DMXL1: variants seen among roughly 807,000 people sequenced by gnomAD.
The protein encoded by DMXL1 is dmX-like protein 1.
A neutral mutation model predicts 319.2 loss-of-function variants in DMXL1; 99 were observed. The ratio of observed to expected loss-of-function variants is 0.31; its 90% confidence interval spans 0.26 to 0.37. The LOEUF (loss-of-function observed/expected upper bound fraction) is 0.37, where lower values mean the gene tolerates loss of function less well. DMXL1 is among the 10% of genes least tolerant of loss of function. The probability of loss-of-function intolerance (pLI) is 1.00; values close to 1 mark genes in which losing one functional copy is unlikely to be tolerated. For synonymous variants in DMXL1, 1,385 were observed against 1,235.2 expected (o/e 1.12, Z -2.54); for missense variants, 3,745 against 3,595.6 (o/e 1.04, Z -1.06).
chr5:119,157,788 CTTTGA>C (rs1771430265), intron 19 of DMXL1, among the ~76,000 whole-genome samples: 1 of 151,992 alleles, frequency 6.6e-6, no homozygotes, highest in Non-Finnish European at 1.5e-5. Context: ...CTCAAGTTTA[CTTTGA>C]GTATTTGGTG....
At chr5:119,148,577 T>C (rs1179084777) in intron 17 of DMXL1, among the ~76,000 whole-genome samples, 162 bp from the exon 18 acceptor site, 3 of 152,180 alleles carry the variant, frequency 2.0e-5, no homozygotes, top group African/African-American at 7.2e-5. Context: ...TAAATAAATA[T>C]AGGCTGTCTA....
At chr5:119,220,688 A>G (rs569770953) in intron 36 of DMXL1, 95 bp downstream of exon 36, 34 of 1,454,184 alleles carry the variant, frequency 2.3e-5, no homozygotes, top group Non-Finnish European at 3.0e-5. Context: ...AAAGCAATGT[A>G]TAGATTGTAA....
chr5:119,207,880 T>C (rs1425496665), intron 34 of DMXL1, among the ~76,000 whole-genome samples: 1 of 152,152 alleles, frequency 6.6e-6, no homozygotes, highest in African/African-American at 2.4e-5. Context: ...ATTCTATATT[T>C]AAAACAATCT....
Position 119,248,014 on chromosome 5 carries a change from T to C in DMXL1, c.*795T>C, listed in dbSNP as rs920851662. The stretch of plus-strand genomic sequence containing the variant: ...ATAAGTTTCAAGGAGACTATCAGGA[T>C]TATTATTTTAAAGATTAGATTTAGT... On this transcript the variant is annotated 3_prime_UTR_variant, in exon 44 of 44. Coordinates refer to ENST00000539542, the MANE Select transcript of DMXL1 (RefSeq NM_001290321.3). The C allele has an allele frequency of 2.0e-5, 3 of 152,180 alleles. No individual in the cohort carries two copies. The highest frequency in any genetic ancestry group is 7.2e-5 in the African/African-American group (3 of 41,458). 9.4% of individuals were successfully genotyped at this position (152,180 alleles called of 1,614,324 possible).
chr5:119,133,179 G>A lies in DMXL1; in HGVS notation c.1363G>A (p.Glu455Lys), dbSNP rs779783451. ...TCTGAAAATAAATCCCGAAAAGAAG[G>A]AATTAGGCTGTGATAAAATGGTACC... is the stretch of plus-strand genomic sequence containing the variant. The part of the protein sequence containing the change: ...DDLKINPEKK[E>K]LGCDKMVPNS... Residue 455 changes from glutamate (E) to lysine (K), a missense_variant, in exon 11 of 44, where the codon GAA (glutamate) becomes AAA (lysine). By Grantham distance (56) the Glu-to-Lys change is moderately conservative (BLOSUM62 1). Coordinates refer to ENST00000539542, the MANE Select transcript of DMXL1 (RefSeq NM_001290321.3). The A allele has an allele frequency of 6.2e-7, 1 of 1,613,986 alleles. No individual in the cohort carries two copies. The highest frequency in any genetic ancestry group is 8.5e-7 in the Non-Finnish European group (1 of 1,180,016).
chr5:119,138,700 G>T (rs1766593321), intron 13 of DMXL1, among the ~76,000 whole-genome samples: 1 of 152,144 alleles, frequency 6.6e-6, no homozygotes, highest in Non-Finnish European at 1.5e-5. Context: ...AGCCAGATGT[G>T]GTGGCAGGAA....
chr5:119,136,545 C>T (rs1002492827), intron 13 of DMXL1, among the ~76,000 whole-genome samples: 3 of 152,240 alleles, frequency 2.0e-5, no homozygotes, highest in Admixed American at 2.0e-4. Context: ...TTCATGGCAG[C>T]CCCTCCCATC....
At position 119,102,886 on chromosome 5, in the gene DMXL1, T is replaced by C. The variant is rs531507681; in HGVS notation, c.285+880T>C. On this transcript the variant is annotated intron_variant, in intron 3 of 43. Coordinates refer to ENST00000539542, the MANE Select transcript of DMXL1 (RefSeq NM_001290321.3). Reference sequence around the variant, plus strand: ...AAGGGAGCTAAATGATGAGAAATTATGAACACAAGGAAACAACAGACACTG... The same window carrying C: ...AAGGGAGCTAAATGATGAGAAATTACGAACACAAGGAAACAACAGACACTG... 5.9e-5 allele frequency among the ~76,000 whole-genome samples: 9 copies of C among 152,168 alleles called. No individual in the cohort carries two copies. In the South Asian group the frequency reaches 1.9e-3, roughly 32 times the overall value.
At position 119,149,951 on chromosome 5, in the gene DMXL1, C is replaced by G. The variant is rs1042657541; in HGVS notation, c.4124C>G (p.Thr1375Arg). The G allele has an allele frequency of 1.9e-6, 3 of 1,613,760 alleles. No homozygotes were observed. In the African/African-American group the frequency reaches 4.0e-5, roughly 22 times the overall value. ...CATGAACGCCGCCTTAGGTCTCTCA[C>G]AATCAGTGCTAGTGGAAGCACTACC... ...SNHERRLRSL[T>R]ISASGSTTRD... is the part of the protein sequence containing the mutation. Residue 1375 changes from threonine to arginine, a missense_variant, in exon 18 of 44, where the codon ACA becomes AGA. Thr to Arg is a moderately conservative substitution (Grantham distance 71). Transcript: ENST00000539542.
Position 119,170,603 on chromosome 5 carries a change from G to C in DMXL1, c.5812G>C (p.Gly1938Arg), listed in dbSNP as rs144486951. ...AAATGGTTTTGGATCTTCTTCAGAG[G>C]GTTCCTCAGAGAAGCAATCAAACTC... is the stretch of plus-strand genomic sequence containing the variant. Reference protein sequence around the residue: ...LINGFGSSSEGSSEKQSNSTL... With the variant: ...LINGFGSSSERSSEKQSNSTL... The change falls in exon 24 of 44, where the codon GGT becomes CGT. Residue 1938 changes from glycine to arginine, a missense_variant. Physicochemically the swap from Gly to Arg is moderately radical, Grantham distance 125. Transcript: ENST00000539542. 11 of 1,613,354 alleles carry C rather than the reference G, an allele frequency of 6.8e-6. No individual in the cohort carries two copies. Among genetic ancestry groups the C allele is most frequent in the Admixed American group, 1.7e-5 (1 of 59,924 alleles).
chr5:119,244,642 T>G, intron 43 of DMXL1, 66 bp downstream of exon 43: 3 of 1,133,582 alleles, frequency 2.6e-6, no homozygotes, highest in Non-Finnish European at 3.9e-6. Context: ...TCTTTAATCG[T>G]ATTGATGACA....
chr5:119,158,604 A>C (rs1200809310), intron 19 of DMXL1, among the ~76,000 whole-genome samples: 3 of 152,176 alleles, frequency 2.0e-5, no homozygotes, highest in Non-Finnish European at 4.4e-5. Flanking sequence ...GTTGGGTATG[A>C]TGTTTAGCTC....
chr5:119,078,542 C>T (rs544538409), intron 1 of DMXL1, among the ~76,000 whole-genome samples: 70 of 152,304 alleles, frequency 4.6e-4, no homozygotes, highest in African/African-American at 1.7e-3. Context: ...CCTCAATCTC[C>T]TAGGCTCAAT....
rs1779116073 is a variant in DMXL1 at position 119,193,796 on chromosome 5, G to A, written c.7315-32G>A. ...TTTGAATGTATTAAATTAGATATGT[G>A]GCTGCTAAATTTCATGATTTCTTTA... On this transcript the variant is annotated intron_variant, in intron 29 of 43. Coordinates refer to ENST00000539542, the MANE Select transcript of DMXL1 (RefSeq NM_001290321.3). 9 of 1,597,556 alleles carry A rather than the reference G, an allele frequency of 5.6e-6. No individual in the cohort carries two copies. In the East Asian group the frequency reaches 1.8e-4, roughly 32 times the overall value.
chr5:119,210,626 G>A (rs990910864), intron 34 of DMXL1, among the ~76,000 whole-genome samples: 1 of 151,856 alleles, frequency 6.6e-6, no homozygotes, highest in Non-Finnish European at 1.5e-5. Context: ...GTCTGTTTTG[G>A]GCCATTGATC....
In DMXL1 at chr5:119,105,164, C is replaced by A. The variant is rs775832285; in HGVS notation, c.286-16C>A. The A allele has an allele frequency of 6.4e-7, 1 of 1,571,502 alleles. No homozygotes were observed. The highest frequency in any genetic ancestry group is 8.8e-7 in the Non-Finnish European group (1 of 1,142,052). On this transcript the variant is annotated splice_polypyrimidine_tract_variant and intron_variant, in intron 3 of 43. Coordinates refer to ENST00000539542, the MANE Select transcript of DMXL1 (RefSeq NM_001290321.3). Reference sequence around the variant, plus strand: ...ATGCCAATCATAATGGGCTAAATGACTTTTCTTAATTTTAGGAATTATATA... The same window carrying A: ...ATGCCAATCATAATGGGCTAAATGAATTTTCTTAATTTTAGGAATTATATA...
chr5:119,224,563 A>G, intron 37 of DMXL1, 146 bp from the exon 38 acceptor site: 1 of 354,530 alleles, frequency 2.8e-6, no homozygotes, highest in Non-Finnish European at 5.3e-6. Flanking sequence ...AATTTCTGTT[A>G]TCATGTTTAG....
intron 28 of DMXL1, among the ~76,000 whole-genome samples, chr5:119,179,306 CAAAAA>C (rs137904079): frequency 8.4e-6 from 1 of 119,108 alleles, no homozygotes; most frequent in Admixed American, 8.3e-5. Flanking sequence ...AATGTTTTTC[CAAAAA>C]AAAAAAAAAA....
intron 1 of DMXL1, among the ~76,000 whole-genome samples, chr5:119,087,228 T>C (rs538411711): frequency 1.3e-5 from 2 of 152,228 alleles, no homozygotes; most frequent in Admixed American, 1.3e-4. Context: ...TGTTCTTGTT[T>C]TTCAAGTTCC....
Sources: gnomAD v4.1 joint callset for allele counts (sites outside exome capture counted in the v4.1 genomes callset) on GRCh38, gnomAD v4.1.1 for gene constraint, MANE v1.5 for transcripts, NCBI Gene and HGNC (gene_info 2026-07-23, HGNC 2026-07-21) for gene names.